Variants in CD101 observed in about 807,000 individuals in gnomAD.
CD101 encodes the protein CD101 molecule.
Under a neutral mutation model 98.2 loss-of-function variants are expected in CD101, and 76 were observed. The ratio of observed to expected loss-of-function variants is 0.77; its 90% CI spans 0.64 to 0.94. CD101 has a LOEUF of 0.94. Among genes scored for constraint, CD101 ranks in the 40% least tolerant of loss-of-function variants. CD101 has a pLI of 0.00. For missense variants in CD101, 1,145 were observed against 1,218.8 expected, an observed-to-expected ratio of 0.94 and a Z score of 0.90; for synonymous variants, 471 against 472.7, an observed-to-expected ratio of 1.00 and a Z score of 0.05.
At chr1:117,003,046 G>GT (rs1482980815) in intron 1 of CD101, among the ~76,000 whole-genome samples, 1 of 152,190 alleles carries the variant, frequency 6.6e-6, no homozygotes, top group African/African-American at 2.4e-5. Flanking sequence ...GGAGGCTGAG[G>GT]TGGGAGAATC....
rs567971980 is a variant in CD101, at chr1:117,005,776, G to C, written c.43+3916G>C. ...ACAGGAGCCAACAAGAAACAATGGG[G>C]ACAGCCATGGATTTGGCATTTGCAG... On this transcript the variant is annotated intron_variant, in intron 1 of 9. Coordinates refer to ENST00000682167, the MANE Select transcript of CD101 (RefSeq NM_001256106.3). The surrounding 1 kb of genome is among the most constrained non-coding windows in gnomAD (Gnocchi z 4.4). Among the ~76,000 whole-genome samples the C allele has an allele frequency of 6.6e-6, 1 of 152,276 alleles. No homozygotes were observed. Among genetic ancestry groups the C allele is most frequent in the East Asian group, 1.9e-4 (1 of 5,184 alleles).
rs1267790841 is a variant in CD101 at position 117,021,531 on chromosome 1, C to CTATT, written c.2018-40_2018-37dup. The stretch of plus-strand genomic sequence containing the variant: ...CTAATGTCTCTACTACCTTAACTTT[C>CTATT]TATTTCATAGCAAAGTAACTGTTTC... On this transcript the variant is annotated intron_variant, in intron 6 of 9. Coordinates refer to ENST00000682167, the MANE Select transcript of CD101 (RefSeq NM_001256106.3). The surrounding 1 kb of genome is among the most constrained non-coding windows in gnomAD (Gnocchi z 4.7). 6.7e-7 allele frequency: 1 copy of CTATT among 1,502,270 alleles called. No homozygotes were observed. The highest frequency in any genetic ancestry group is 1.4e-5 in the African/African-American group (1 of 71,450). 93.1% of individuals were successfully genotyped at this position (1,502,270 alleles called of 1,614,324 possible).
At position 117,034,071 on chromosome 1, in the gene CD101, G is replaced by A; in HGVS notation, c.3036G>A (p.Arg1012=). Residue 1012 remains arginine, a synonymous_variant, in exon 9 of 10, where the codon AGG becomes AGA. Coordinates refer to ENST00000682167, the MANE Select transcript of CD101 (RefSeq NM_001256106.3). The part of the protein sequence containing the change: ...KEAGGVTTNR[R]EDEEEDEGN ...CTGGAGGTGTGACCACAAATAGGAG[G>A]GAAGACGAGGAGGAAGATGAAGGCA... The A allele has an allele frequency of 6.2e-7, 1 of 1,614,178 alleles. No homozygotes were observed. Among genetic ancestry groups the A allele is most frequent in the Non-Finnish European group, 8.5e-7 (1 of 1,180,032 alleles).
In CD101 at chr1:117,022,112, T is replaced by A. The variant is rs3767786; in HGVS notation, c.2428+129T>A. ...TAAAGTCATAGGAACAGTATCTACC[T>A]ACACATGACTGCAAGACCGAGTAGT... is the stretch of plus-strand genomic sequence containing the variant. On this transcript the variant is annotated intron_variant, in intron 7 of 9. Coordinates refer to ENST00000682167, the MANE Select transcript of CD101 (RefSeq NM_001256106.3). The surrounding 1 kb of genome is among the most constrained non-coding windows in gnomAD (Gnocchi z 4.8). The A allele has an allele frequency of 3.6e-4, 365 of 1,017,334 alleles. 2 individuals are homozygous for A. In the East Asian group the frequency reaches 8.9e-3, roughly 25 times the overall value. 63.0% of individuals were successfully genotyped at this position (1,017,334 alleles called of 1,614,324 possible). A position where few individuals can be genotyped will look rare whatever the true frequency, so the allele number is the denominator to read the frequency against.
chr1:117,007,354 T>G (rs749774460), intron 1 of CD101, among the ~76,000 whole-genome samples: 1 of 151,782 alleles, frequency 6.6e-6, no homozygotes, highest in Non-Finnish European at 1.5e-5. Context: ...ACTTCCTAGT[T>G]TGCTTTTTTT....
Position 117,025,543 on chromosome 1 carries a change from C to G in CD101, c.2463C>G (p.Thr821=), listed in dbSNP as rs949704806. Residue 821 remains threonine (T), a synonymous_variant, in exon 8 of 10, where the codon ACC becomes ACG. Coordinates refer to ENST00000682167, the MANE Select transcript of CD101 (RefSeq NM_001256106.3). ...TACGTGTCTCCAAAGTGTACTGGAC[C>G]GAAAATGTGACTGAGCACAGAGAAG... The part of the protein sequence containing the change: ...SKVRVSKVYW[T]ENVTEHREVA... The G allele has an allele frequency of 6.3e-7, 1 of 1,599,402 alleles. No homozygotes were observed. Among genetic ancestry groups the G allele is most frequent in the Non-Finnish European group, 8.5e-7 (1 of 1,173,072 alleles).
At chr1:117,013,910 A>C in intron 4 of CD101, 118 bp downstream of exon 4, 3 of 1,196,584 alleles carry the variant, frequency 2.5e-6, no homozygotes, top group South Asian at 1.7e-5. Flanking sequence ...CAATCAGATC[A>C]CATTGGAGGT....
chr1:117,012,454 G>T lies in CD101; in HGVS notation c.841+488G>T, dbSNP rs1334673557. Among the ~76,000 whole-genome samples, 1 of 152,236 alleles carries T rather than the reference G, an allele frequency of 6.6e-6. No individual in the cohort carries two copies. The highest frequency in any genetic ancestry group is 2.4e-5 in the African/African-American group (1 of 41,474). On this transcript the variant is annotated intron_variant, in intron 3 of 9. Coordinates refer to ENST00000682167, the MANE Select transcript of CD101 (RefSeq NM_001256106.3). This position sits in a 1 kb window ranked among gnomAD's most constrained non-coding sequence, Gnocchi z 4.0. ...AAGCCCACTCAGCACAGACAGCTGGGCCTCAAAGTAGCTCCAGTTTCCAAC... is the reference window on the plus strand; with the variant it reads ...AAGCCCACTCAGCACAGACAGCTGGTCCTCAAAGTAGCTCCAGTTTCCAAC...
At chr1:117,026,040 A>G in intron 8 of CD101, 136 bp downstream of exon 8, 1 of 916,034 alleles carries the variant, frequency 1.1e-6, no homozygotes, top group Middle Eastern at 3.2e-4. Flanking sequence ...GGTTCCCTAA[A>G]GAAGATGACT....
chr1:117,012,307 G>A lies in CD101; in HGVS notation c.841+341G>A, dbSNP rs775489061. 6.6e-6 allele frequency among the ~76,000 whole-genome samples: 1 copy of A among 152,194 alleles called. No homozygotes were observed. Among genetic ancestry groups the A allele is most frequent in the African/African-American group, 2.4e-5 (1 of 41,450 alleles). ...TCGTAACCACCACCCTATGAGGCAA[G>A]TAGTTGAGTCTCCATTTTAAAAATG... On this transcript the variant is annotated intron_variant, in intron 3 of 9. Coordinates refer to ENST00000682167, the MANE Select transcript of CD101 (RefSeq NM_001256106.3). This position sits in a 1 kb window ranked among gnomAD's most constrained non-coding sequence, Gnocchi z 4.0.
At position 117,021,644 on chromosome 1, in the gene CD101, T is replaced by G; in HGVS notation, c.2089T>G (p.Cys697Gly). ...CATCAACTCCAACACTGATATAGAA[T>G]GTAGCATCTTGTCCCGGTCCAATGG... ...LSINSNTDIE[C>G]SILSRSNGNL... The change falls in exon 7 of 10, where the codon TGT (cysteine) becomes GGT (glycine). Residue 697 changes from cysteine to glycine, a missense_variant. Cys to Gly is a radical substitution (Grantham distance 159, BLOSUM62 -3). Coordinates refer to ENST00000682167, the MANE Select transcript of CD101 (RefSeq NM_001256106.3). This position sits in a 1 kb window ranked among gnomAD's most constrained non-coding sequence, Gnocchi z 4.7. 6.2e-7 allele frequency: 1 copy of G among 1,613,890 alleles called. No individual in the cohort carries two copies. The highest frequency in any genetic ancestry group is 8.5e-7 in the Non-Finnish European group (1 of 1,179,868).
chr1:117,008,721 A>C (rs939316604), intron 1 of CD101, among the ~76,000 whole-genome samples: 3 of 150,106 alleles, frequency 2.0e-5, no homozygotes, highest in Non-Finnish European at 3.0e-5. Flanking sequence ...CCTTTCCCTC[A>C]CTTTTTTTTT....
At chr1:117,026,046 T>C in intron 8 of CD101, 142 bp downstream of exon 8, 1 of 838,400 alleles carries the variant, frequency 1.2e-6, no homozygotes, top group Non-Finnish European at 1.8e-6. Flanking sequence ...CTAAAGAAGA[T>C]GACTTTGCTG....
In CD101 at chr1:117,010,212, G is replaced by A. The variant is rs750634292; in HGVS notation, c.406G>A (p.Ala136Thr). ...TGAGAAATACTATGGAAGTTACAGT[G>A]CAAAGACTAATCTAATTGGTAAGTT... ...TDEKYYGSYS[A>T]KTNLIVIPDT... Residue 136 changes from alanine to threonine, a missense_variant, in exon 2 of 10, where the codon GCA becomes ACA. Transcript: ENST00000682167. This position sits in a 1 kb window ranked among gnomAD's most constrained non-coding sequence, Gnocchi z 5.2. 8 of 1,611,144 alleles carry A rather than the reference G, an allele frequency of 5.0e-6. No homozygotes were observed. The South Asian group carries it at 6.6e-5, about 13-fold the overall frequency.
In CD101 at chr1:117,018,582, T is replaced by C. The variant is rs367884480; in HGVS notation, c.2017+22T>C. On this transcript the variant is annotated intron_variant, in intron 6 of 9. Coordinates refer to ENST00000682167, the MANE Select transcript of CD101 (RefSeq NM_001256106.3). This position sits in a 1 kb window ranked among gnomAD's most constrained non-coding sequence, Gnocchi z 4.3. The stretch of plus-strand genomic sequence containing the variant: ...CCAGGTAAGTGTGACTTGAAATTAA[T>C]CCCTGTTTTAAAAACAAACAAATAG... The C allele has an allele frequency of 3.6e-4, 559 of 1,543,074 alleles. No individual in the cohort carries two copies. Among genetic ancestry groups the C allele is most frequent in the Non-Finnish European group, 4.6e-4 (524 of 1,145,812 alleles).
At position 117,009,942 on chromosome 1, in the gene CD101, A is replaced by AC. The variant is rs1652782340; in HGVS notation, c.137dup (p.Gly47TrpfsTer7). On this transcript the variant is annotated frameshift_variant, in exon 2 of 10. Transcript: ENST00000682167. LOFTEE classifies it high-confidence loss of function. ...CCCAGTCAGCATTGGCTGCAATGTA[A>AC]CTGGCCACCAGGGACCTTCTGAGCA... 6.2e-7 allele frequency: 1 copy of AC among 1,614,178 alleles called. No individual in the cohort carries two copies. The highest frequency in any genetic ancestry group is 1.3e-5 in the African/African-American group (1 of 75,052).
intron 3 of CD101, 152 bp from the exon 4 acceptor site, chr1:117,013,254 G>T: frequency 3.6e-6 from 3 of 842,598 alleles, no homozygotes; most frequent in South Asian, 2.1e-5. Context: ...TAAGGATTTT[G>T]TTTTTTTTGG....
At chr1:117,013,232 C>A (rs973578617) in intron 3 of CD101, among the ~76,000 whole-genome samples, 174 bp from the exon 4 acceptor site, 17 of 152,198 alleles carry the variant, frequency 1.1e-4, no homozygotes, top group African/African-American at 4.1e-4. Flanking sequence ...GAGTCATGAG[C>A]GTTTTTTACT....
rs933420629 is a variant in CD101, at chr1:117,010,944, C to T, written c.425-606C>T. 3.3e-5 allele frequency among the ~76,000 whole-genome samples: 5 copies of T among 152,136 alleles called. No homozygotes were observed. Among genetic ancestry groups the T allele is most frequent in the African/African-American group, 9.7e-5 (4 of 41,440 alleles). ...TCAGCTTCTACTCAGTGGCTAGCAC[C>T]GAGTAGACGCTCAGTCACATTCATT... On this transcript the variant is annotated intron_variant, in intron 2 of 9. Coordinates refer to ENST00000682167, the MANE Select transcript of CD101 (RefSeq NM_001256106.3). The surrounding 1 kb of genome is among the most constrained non-coding windows in gnomAD (Gnocchi z 5.2).
Sources: gnomAD v4.1 joint callset for allele counts (sites outside exome capture counted in the v4.1 genomes callset) on GRCh38, gnomAD v4.1.1 for gene constraint, Gnocchi (gnomAD v3.1) non-coding constraint, MANE v1.5 for transcripts, NCBI Gene and HGNC (gene_info 2026-07-23, HGNC 2026-07-21) for gene names.